The following MLIP variants were observed in gnomAD, a reference collection of about 807,000 sequenced individuals.
The protein encoded by MLIP is muscular LMNA interacting protein.
MLIP carries 79 observed loss-of-function variants against 84.8 expected under a neutral mutation model. The ratio of observed to expected loss-of-function variants is 0.93; its 90% CI spans 0.78 to 1.12. MLIP has a LOEUF of 1.12. Among genes scored for constraint, MLIP ranks in the 50% most tolerant of loss-of-function variants. The pLI is 0.00. For synonymous variants in MLIP, 504 were observed against 463.0 expected, an observed-to-expected ratio of 1.09 and a Z score of -1.14; for missense variants, 1,257 against 1,160.6, an observed-to-expected ratio of 1.08 and a Z score of -1.21.
At chr6:54,019,187 C>T (rs1763363388) in intron 1 of MLIP, 1 of 1,260,704 alleles carries the variant, frequency 7.9e-7, no homozygotes, top group Admixed American at 2.2e-5. Flanking sequence ...TAGCCGGCCT[C>T]TGTTTCCATG....
rs907972382 is a variant in MLIP, at chr6:54,045,046, A to G, written c.63+25955A>G. On this transcript the variant is annotated intron_variant, in intron 1 of 12. Coordinates refer to the MLIP transcript ENST00000274897. ...TTGTTGTTATGATATCTCTTCCTTC[A>G]GTAGAAATTCATGAGGAATGGGCCC... Among the ~76,000 whole-genome samples the G allele has an allele frequency of 2.3e-4, 35 of 152,236 alleles. 1 individual carries two copies. The highest frequency in any genetic ancestry group is 2.6e-4 in the Admixed American group (4 of 15,282).
chr6:54,039,026 CACAT>C (rs1417011427), intron 1 of MLIP, among the ~76,000 whole-genome samples: 4 of 151,746 alleles, frequency 2.6e-5, no homozygotes, highest in African/African-American at 7.2e-5. Flanking sequence ...AACTGGGAGA[CACAT>C]AATCTCCACA....
chr6:54,160,647 T>C, intron 7 of MLIP, 48 bp downstream of exon 7: 1 of 1,547,302 alleles, frequency 6.5e-7, no homozygotes, highest in Non-Finnish European at 8.9e-7. Flanking sequence ...GCTTTGCTTC[T>C]CTTCATTTTC....
chr6:54,175,912 G>A (rs975540904), intron 9 of MLIP, among the ~76,000 whole-genome samples: 1 of 151,782 alleles, frequency 6.6e-6, no homozygotes, highest in Non-Finnish European at 1.5e-5. Context: ...TTCCTTCTGT[G>A]CCCAGTTTTT....
chr6:54,139,795 C>A (rs1240250394), intron 4 of MLIP, among the ~76,000 whole-genome samples: 1 of 152,060 alleles, frequency 6.6e-6, no homozygotes, highest in African/African-American at 2.4e-5. Flanking sequence ...TTATTACTAT[C>A]ATTTATTGCT....
intron 11 of MLIP, among the ~76,000 whole-genome samples, chr6:54,212,554 C>T (rs9382308): frequency 1.2e-4 from 19 of 152,216 alleles, no homozygotes; most frequent in African/African-American, 3.6e-4. Context: ...TGTGTGTGTG[C>T]GCCTGTGTGT....
At chr6:54,055,053 A>AT (rs957548364) in intron 1 of MLIP, among the ~76,000 whole-genome samples, 3 of 151,808 alleles carry the variant, frequency 2.0e-5, no homozygotes, top group South Asian at 2.1e-4. Flanking sequence ...ACGCCCAGCT[A>AT]TTTTTTTGTA....
intron 3 of MLIP, among the ~76,000 whole-genome samples, chr6:54,134,305 A>G (rs1284188643): frequency 6.6e-6 from 1 of 152,106 alleles, no homozygotes; most frequent in African/African-American, 2.4e-5. Flanking sequence ...CAGGAAAATC[A>G]ATCTTTTTAT....
chr6:54,026,015 GGTAGAGACC>G (rs888658008), intron 1 of MLIP, among the ~76,000 whole-genome samples: 2 of 152,138 alleles, frequency 1.3e-5, no homozygotes, highest in Admixed American at 6.5e-5. Flanking sequence ...ACAGATGGGT[GGTAGAGACC>G]AAAATTTCAT....
intron 12 of MLIP, among the ~76,000 whole-genome samples, chr6:54,256,142 C>T (rs2150890953): frequency 6.6e-6 from 1 of 152,214 alleles, no homozygotes; most frequent in African/African-American, 2.4e-5. Context: ...CTATGATACC[C>T]AAAGGATTTT....
At chr6:54,122,829 T>C (rs1264874288) in intron 2 of MLIP, among the ~76,000 whole-genome samples, 4 of 152,230 alleles carry the variant, frequency 2.6e-5, no homozygotes, top group Non-Finnish European at 5.9e-5. Context: ...AATATTTATC[T>C]GCTGATTGCA....
At chr6:54,225,448 G>T (rs961746519) in intron 11 of MLIP, among the ~76,000 whole-genome samples, 1 of 152,118 alleles carries the variant, frequency 6.6e-6, no homozygotes, top group Non-Finnish European at 1.5e-5. Flanking sequence ...GTTCGTTGTT[G>T]GCTGAAATGT....
intron 1 of MLIP, among the ~76,000 whole-genome samples, chr6:54,120,612 T>C (rs973470405): frequency 3.9e-5 from 6 of 152,184 alleles, no homozygotes; most frequent in Admixed American, 1.3e-4. Flanking sequence ...CAATCAACAA[T>C]GTTAACAGAA....
At chr6:54,155,497 A>G (rs1347888986) in intron 5 of MLIP, among the ~76,000 whole-genome samples, 2 of 152,170 alleles carry the variant, frequency 1.3e-5, no homozygotes, top group Non-Finnish European at 1.5e-5. Context: ...TAGTCTAAGT[A>G]TAACAAAAAG....
intron 1 of MLIP, among the ~76,000 whole-genome samples, chr6:54,019,705 T>C (rs1416717293): frequency 6.6e-6 from 1 of 152,202 alleles, no homozygotes; most frequent in African/African-American, 2.4e-5. Flanking sequence ...ACTAATTATG[T>C]TTGTAAATTT....
intron 12 of MLIP, among the ~76,000 whole-genome samples, chr6:54,235,892 C>T (rs1290320590): frequency 6.6e-6 from 1 of 152,070 alleles, no homozygotes; most frequent in African/African-American, 2.4e-5. Context: ...AACCATGAGC[C>T]ATATAATACA....
At chr6:54,109,382 G>T (rs115966028), upstream of MLIP, among the ~76,000 whole-genome samples, 204 of 152,192 alleles carry the variant, frequency 1.3e-3, 1 homozygote, top group African/African-American at 4.7e-3. Context: ...ATCCTCACAA[G>T]AACTCTGTGA....
At chr6:54,207,866 T>G (rs556769029) in intron 11 of MLIP, among the ~76,000 whole-genome samples, 1 of 152,268 alleles carries the variant, frequency 6.6e-6, no homozygotes, top group East Asian at 1.9e-4. Flanking sequence ...AAATAGGTCT[T>G]TGTAATCCCA....
chr6:54,034,557 A>G (rs1764318902), intron 1 of MLIP, among the ~76,000 whole-genome samples: 1 of 152,194 alleles, frequency 6.6e-6, no homozygotes, highest in South Asian at 2.1e-4. Flanking sequence ...TAAAAAGTTA[A>G]AAAACATTAA....
Sources: allele counts gnomAD v4.1 joint callset (sites outside exome capture counted in the v4.1 genomes callset), GRCh38; gene constraint gnomAD v4.1.1; transcripts MANE v1.5; gene names NCBI Gene and HGNC (gene_info 2026-07-23, HGNC 2026-07-21).